The following LZTFL1 variants were observed in gnomAD, a reference collection of about 807,000 sequenced individuals.
LZTFL1 encodes the protein leucine zipper transcription factor-like protein 1.
LZTFL1 carries 25 observed loss-of-function variants against 45.9 expected under a neutral mutation model. The observed-to-expected ratio is 0.54, with a 90% CI of 0.40 to 0.76. The LOEUF is 0.76. LZTFL1 is among the 30% of genes least tolerant of loss of function. The probability of loss-of-function intolerance (pLI) is 0.00; values close to 1 mark genes in which losing one functional copy is unlikely to be tolerated. For missense variants in LZTFL1, 277 were observed against 331.1 expected, an observed-to-expected ratio of 0.84 and a Z score of 1.27; for synonymous variants, 93 against 117.4, an observed-to-expected ratio of 0.79 and a Z score of 1.35.
chr3:45,865,995 G>A (rs962655157), intron 2 of LZTFL1, among the ~76,000 whole-genome samples: 1 of 152,210 alleles, frequency 6.6e-6, no homozygotes, highest in Non-Finnish European at 1.5e-5. Context: ...CAACGTGAAT[G>A]CATCTCAAAA....
At chr3:45,842,206 C>G (rs1298029815), upstream of LZTFL1, 1 of 1,422,438 alleles carries the variant, frequency 7.0e-7, no homozygotes, top group East Asian at 2.5e-5. Context: ...TATTGCGTAA[C>G]CGGTTGACTG....
chr3:45,887,686 C>T (rs1403164754), intron 2 of LZTFL1, among the ~76,000 whole-genome samples: 2 of 152,226 alleles, frequency 1.3e-5, no homozygotes, highest in African/African-American at 4.8e-5. Context: ...TTTCGGAGTC[C>T]TTTTCTTCCA....
chr3:45,836,929 C>T (rs1334379903), intron 2 of LZTFL1, among the ~76,000 whole-genome samples: 1 of 152,152 alleles, frequency 6.6e-6, no homozygotes, highest in African/African-American at 2.4e-5. Context: ...CACAGTAACA[C>T]AGTCCTCTCC....
intron 2 of LZTFL1, 42 bp from the exon 3 acceptor site, chr3:45,835,826 A>C (rs371482077): frequency 4.8e-6 from 7 of 1,444,964 alleles, no homozygotes; most frequent in Non-Finnish European, 6.6e-6. Context: ...AAAAACAACA[A>C]GAAAAATCTA....
chr3:45,827,235 T>C, intron 9 of LZTFL1, 121 bp downstream of exon 9: 1 of 757,508 alleles, frequency 1.3e-6, no homozygotes, highest in South Asian at 1.5e-5. Flanking sequence ...AATGAAGGCT[T>C]CTGGACTAAA....
intron 7 of LZTFL1, among the ~76,000 whole-genome samples, chr3:45,829,124 T>G (rs1700746472): frequency 1.3e-5 from 2 of 152,158 alleles, no homozygotes. Context: ...TTTTTAAGAT[T>G]TTAAGTTTTT....
chr3:45,907,845 T>C (rs947858511), intron 2 of LZTFL1, among the ~76,000 whole-genome samples: 2 of 152,216 alleles, frequency 1.3e-5, no homozygotes, highest in Admixed American at 6.5e-5. Flanking sequence ...TGCTCACGTG[T>C]GTCTGCCCAG....
rs1700803650 is a variant in LZTFL1 at position 45,831,115 on chromosome 3, C to T, written c.480G>A (p.Glu160=). 1.2e-6 allele frequency: 2 copies of T among 1,600,210 alleles called. No individual in the cohort carries two copies. Among genetic ancestry groups the T allele is most frequent in the Non-Finnish European group, 1.7e-6 (2 of 1,174,122 alleles). The change falls in exon 6 of 10, where the codon GAG becomes GAA. Residue 160 remains glutamate, a synonymous_variant. Coordinates refer to ENST00000296135, the MANE Select transcript of LZTFL1 (RefSeq NM_020347.4). ...TCAACCTTGACTTCAATTTCTCATT[C>T]TCTTCTTGAAGTCTTAAAATTTCCT... ...LNKEILRLQE[E]NEKLKSRLKT...
intron 7 of LZTFL1, among the ~76,000 whole-genome samples, chr3:45,830,316 T>A (rs1350589485): frequency 1.3e-5 from 2 of 152,220 alleles, no homozygotes; most frequent in Non-Finnish European, 2.9e-5. Context: ...AGACAGACTG[T>A]ACATACAATG....
At chr3:45,876,992 A>C (rs1017565173) in intron 2 of LZTFL1, among the ~76,000 whole-genome samples, 3 of 152,146 alleles carry the variant, frequency 2.0e-5, no homozygotes, top group African/African-American at 7.2e-5. Flanking sequence ...GGAAGCCGAG[A>C]CAACAGCTGT....
rs142295091 is a variant in LZTFL1 at position 45,892,669 on chromosome 3, G to A, written c.-215+20451C>T. On this transcript the variant is annotated intron_variant, in intron 2 of 4. Transcript: ENST00000472635. Reference sequence around the variant, plus strand: ...TCTATACACCAAGCCCCCATGACGCGCAATTTACCTATATGACAAACCTGC... The same window carrying A: ...TCTATACACCAAGCCCCCATGACGCACAATTTACCTATATGACAAACCTGC... Among the ~76,000 whole-genome samples, 6 of 152,078 alleles carry A rather than the reference G, an allele frequency of 3.9e-5. No homozygotes were observed. The East Asian group carries it at 7.7e-4, about 20-fold the overall frequency.
At chr3:45,913,027 G>C (rs780820206) in intron 2 of LZTFL1, 428 of 1,251,688 alleles carry the variant, frequency 3.4e-4, no homozygotes, top group Non-Finnish European at 4.3e-4. Flanking sequence ...CTAAATTCAA[G>C]TAAAATGAGA....
At chr3:45,830,845 CTTAATT>C (rs1464669236) in intron 7 of LZTFL1, 62 bp downstream of exon 7, 2 of 1,413,666 alleles carry the variant, frequency 1.4e-6, no homozygotes, top group Non-Finnish European at 2.0e-6. Flanking sequence ...GTAACTAAGA[CTTAATT>C]TTAAGTTTAT....
intron 2 of LZTFL1, chr3:45,903,123 TA>T (rs1702609378): frequency 6.0e-6 from 1 of 167,122 alleles, no homozygotes. Flanking sequence ...TCACTTTCTT[TA>T]CCCTGTCTCA....
chr3:45,852,068 C>T (rs1368750025), intron 4 of LZTFL1, among the ~76,000 whole-genome samples: 3 of 152,134 alleles, frequency 2.0e-5, no homozygotes, highest in Admixed American at 1.3e-4. Flanking sequence ...ATATGATCCT[C>T]CTGCTACTTT....
chr3:45,853,176 T>G (rs1701332909), intron 4 of LZTFL1, among the ~76,000 whole-genome samples: 1 of 152,212 alleles, frequency 6.6e-6, no homozygotes, highest in Non-Finnish European at 1.5e-5. Flanking sequence ...CAGGCATGCT[T>G]GGTTTTGGTA....
chr3:45,831,331 T>C (rs1287515487), intron 5 of LZTFL1, among the ~76,000 whole-genome samples, 193 bp from the exon 6 acceptor site: 4 of 152,224 alleles, frequency 2.6e-5, no homozygotes, highest in Admixed American at 6.5e-5. Flanking sequence ...CAGCTTTGGA[T>C]CTAAGACATC....
At chr3:45,842,277 G>T, upstream of LZTFL1, 4 of 909,756 alleles carry the variant, frequency 4.4e-6, no homozygotes, top group Non-Finnish European at 6.3e-6. Flanking sequence ...TTCACTTTTG[G>T]GAGCTGACTG....
intron 2 of LZTFL1, among the ~76,000 whole-genome samples, chr3:45,905,078 C>T (rs979352484): frequency 1.3e-5 from 2 of 152,150 alleles, no homozygotes; most frequent in Non-Finnish European, 2.9e-5. Context: ...ATCATGGGCT[C>T]CAGCACCTGC....
Sources: allele counts gnomAD v4.1 joint callset (sites outside exome capture counted in the v4.1 genomes callset), GRCh38; gene constraint gnomAD v4.1.1; transcripts MANE v1.5; gene names NCBI Gene and HGNC (gene_info 2026-07-23, HGNC 2026-07-21).